The following HDAC9 variants were observed in gnomAD, a reference collection of about 807,000 sequenced individuals.
The protein encoded by HDAC9 is MEF-2 interacting transcription repressor (MITR) protein.
A neutral mutation model predicts 139.4 loss-of-function variants in HDAC9; 41 were observed. That is an observed-to-expected ratio of 0.29 (90% CI 0.23 to 0.38). The LOEUF (loss-of-function observed/expected upper bound fraction) is 0.38, where lower values mean the gene tolerates loss of function less well. Among genes scored for constraint, HDAC9 ranks in the 10% least tolerant of loss-of-function variants. The probability of loss-of-function intolerance (pLI) is 1.00; values close to 1 mark genes in which losing one functional copy is unlikely to be tolerated. For synonymous variants in HDAC9, 517 were observed against 476.2 expected, an observed-to-expected ratio of 1.09 and a Z score of -1.12; for missense variants, 1,147 against 1,297.0, an observed-to-expected ratio of 0.88 and a Z score of 1.78.
intron 2 of HDAC9, among the ~76,000 whole-genome samples, chr7:18,538,111 T>A (rs891558157): frequency 1.3e-5 from 2 of 152,238 alleles, no homozygotes; most frequent in Non-Finnish European, 2.9e-5. Context: ...TGTCTGCTGT[T>A]ATTTTCTGTA....
intron 1 of HDAC9, among the ~76,000 whole-genome samples, chr7:18,361,138 C>T (rs1042986924): frequency 3.9e-5 from 6 of 151,992 alleles, no homozygotes; most frequent in African/African-American, 1.5e-4. Flanking sequence ...ACATACCATC[C>T]AACTATGAAC....
At chr7:18,515,731 A>C (rs965835144) in intron 2 of HDAC9, among the ~76,000 whole-genome samples, 3 of 152,254 alleles carry the variant, frequency 2.0e-5, no homozygotes, top group Non-Finnish European at 4.4e-5. Context: ...GAGTTTCAAC[A>C]TAAGCAAACC....
intron 1 of HDAC9, chr7:18,088,043 T>G (rs1257147494): frequency 6.6e-6 from 1 of 152,230 alleles, no homozygotes; most frequent in Non-Finnish European, 1.5e-5. Flanking sequence ...CTAGTGAGTC[T>G]CCTGTGCTCC....
At chr7:18,725,004 G>A (rs539857946) in intron 12 of HDAC9, among the ~76,000 whole-genome samples, 5 of 152,278 alleles carry the variant, frequency 3.3e-5, no homozygotes, top group South Asian at 2.1e-4. Flanking sequence ...GAGGATGTGT[G>A]TAGTGCTGAA....
At chr7:18,509,588 A>G (rs1191545322) in intron 2 of HDAC9, 3 of 405,580 alleles carry the variant, frequency 7.4e-6, no homozygotes, top group East Asian at 1.6e-4. Context: ...AAGAATTACC[A>G]GGTATTTCCT....
chr7:18,777,444 T>A (rs368892190), intron 16 of HDAC9, among the ~76,000 whole-genome samples: 31 of 152,022 alleles, frequency 2.0e-4, no homozygotes, highest in African/African-American at 5.3e-4. Context: ...ATCTGAACTG[T>A]GAGATTTGGG....
intron 24 of HDAC9, among the ~76,000 whole-genome samples, chr7:18,959,099 C>G (rs1021318949): frequency 6.6e-6 from 1 of 152,114 alleles, no homozygotes; most frequent in African/African-American, 2.4e-5. Context: ...CCGTTGAATT[C>G]GTTCACTTTT....
chr7:18,964,054 C>T (rs774363259), intron 24 of HDAC9, among the ~76,000 whole-genome samples: 1 of 152,182 alleles, frequency 6.6e-6, no homozygotes, highest in Non-Finnish European at 1.5e-5. Flanking sequence ...TTCCCTAACA[C>T]TGGTCTTCCA....
intron 2 of HDAC9, among the ~76,000 whole-genome samples, chr7:18,187,187 T>C (rs1315355640): frequency 6.6e-6 from 1 of 152,176 alleles, no homozygotes; most frequent in African/African-American, 2.4e-5. Context: ...CGGGCAAAAA[T>C]GAAATTGTCT....
chr7:18,612,814 T>G (rs1193902552), intron 6 of HDAC9, among the ~76,000 whole-genome samples: 2 of 151,992 alleles, frequency 1.3e-5, no homozygotes, highest in African/African-American at 4.8e-5. Flanking sequence ...CCATGACTGT[T>G]AAGGTCTCAT....
At chr7:18,917,202 C>G (rs568713116) in intron 22 of HDAC9, among the ~76,000 whole-genome samples, 9 of 151,958 alleles carry the variant, frequency 5.9e-5, no homozygotes, top group Non-Finnish European at 1.2e-4. Context: ...AAGCACTGAT[C>G]TCTCCGCTCA....
At chr7:18,869,456 C>T (rs142694818) in intron 21 of HDAC9, among the ~76,000 whole-genome samples, 10 of 152,198 alleles carry the variant, frequency 6.6e-5, no homozygotes, top group African/African-American at 2.2e-4. Context: ...CCTGAGGCCT[C>T]CCCAGAAGCC....
intron 1 of HDAC9, among the ~76,000 whole-genome samples, chr7:18,396,434 A>G (rs1169877078): frequency 1.3e-5 from 2 of 152,126 alleles, no homozygotes; most frequent in East Asian, 1.9e-4. Context: ...CACAGGATAT[A>G]TAGTTAGTTT....
chr7:18,821,604 G>C (rs1794979529), intron 17 of HDAC9, among the ~76,000 whole-genome samples: 1 of 152,196 alleles, frequency 6.6e-6, no homozygotes, highest in Admixed American at 6.5e-5. Flanking sequence ...GAACACTTCA[G>C]ACACCATATG....
At chr7:18,097,872 C>G (rs1358257166) in intron 1 of HDAC9, among the ~76,000 whole-genome samples, 1 of 152,134 alleles carries the variant, frequency 6.6e-6, no homozygotes, top group Non-Finnish European at 1.5e-5. Context: ...CCTATATTAT[C>G]ATTGTTAATA....
intron 1 of HDAC9, among the ~76,000 whole-genome samples, chr7:18,106,281 A>T (rs545734316): frequency 6.6e-6 from 1 of 152,322 alleles, no homozygotes; most frequent in South Asian, 2.1e-4. Flanking sequence ...AGCTCCTTAG[A>T]ACTCAAGATC....
chr7:18,589,998 C>A (rs771481008), intron 3 of HDAC9, among the ~76,000 whole-genome samples: 9 of 152,130 alleles, frequency 5.9e-5, no homozygotes, highest in Non-Finnish European at 1.2e-4. Flanking sequence ...GGCTTCTGGG[C>A]AGTCCCTACC....
intron 22 of HDAC9, among the ~76,000 whole-genome samples, chr7:18,929,938 C>T (rs201156706): frequency 7.7e-6 from 1 of 130,256 alleles, no homozygotes; most frequent in Non-Finnish European, 1.7e-5. Flanking sequence ...GACGCCGCCT[C>T]AAAAAAAAAA....
chr7:18,401,757 C>T (rs1302784451), intron 1 of HDAC9, among the ~76,000 whole-genome samples: 1 of 152,150 alleles, frequency 6.6e-6, no homozygotes, highest in African/African-American at 2.4e-5. Flanking sequence ...ACGTACAGCT[C>T]TCTTGGCCAG....
Sources: gnomAD v4.1 joint callset for allele counts (sites outside exome capture counted in the v4.1 genomes callset) on GRCh38, gnomAD v4.1.1 for gene constraint, MANE v1.5 for transcripts, NCBI Gene and HGNC (gene_info 2026-07-23, HGNC 2026-07-21) for gene names.